The following ZNF215 variants were observed in gnomAD, a reference collection of about 807,000 sequenced individuals.
ZNF215 encodes the protein zinc finger protein 215, also known as BWSCR2-associated zinc finger protein 2.
ZNF215 carries 24 observed loss-of-function variants against 27.2 expected under a neutral mutation model. The ratio of observed to expected loss-of-function variants is 0.88; its 90% CI spans 0.64 to 1.24. The LOEUF is 1.24. Ranked by LOEUF, ZNF215 falls within the 50% of genes most tolerant of loss-of-function variation. ZNF215 has a pLI of 0.00. For missense variants in ZNF215, 675 were observed against 605.7 expected (o/e 1.11, Z -1.20); for synonymous variants, 210 against 204.0 (o/e 1.03, Z -0.25).
Position 6,932,470 on chromosome 11 carries a change from G to A in ZNF215, c.198G>A (p.Leu66=), listed in dbSNP as rs111865490. Residue 66 remains leucine, a synonymous_variant, in exon 3 of 7, where the codon CTG becomes CTA. Transcript: ENST00000278319. ...AAGTGTCTGGGCCCCATGAAGCCCT[G>A]AGCCAACTCTGGGAGCTCTGTCTTC... ...YLKVSGPHEA[L]SQLWELCLQW... 1 of 1,614,170 alleles carries A rather than the reference G, an allele frequency of 6.2e-7. No individual in the cohort carries two copies. The highest frequency in any genetic ancestry group is 8.5e-7 in the Non-Finnish European group (1 of 1,180,026).
At chr11:6,960,799 G>A (rs569784948), downstream of ZNF215, among the ~76,000 whole-genome samples, 1 of 152,202 alleles carries the variant, frequency 6.6e-6, no homozygotes, top group East Asian at 1.9e-4. Context: ...TCAGAAAATG[G>A]ACACTACAGA....
intron 5 of ZNF215, among the ~76,000 whole-genome samples, chr11:6,980,857 G>C (rs1850936869): frequency 6.7e-6 from 1 of 148,894 alleles, no homozygotes. Context: ...AGAATATGCA[G>C]TGTTTGGTTT....
chr11:6,954,315 G>T (rs186271703), intron 6 of ZNF215, among the ~76,000 whole-genome samples: 416 of 152,344 alleles, frequency 2.7e-3, no homozygotes, highest in African/African-American at 9.6e-3. Context: ...CTGTCTTTTT[G>T]TTTGTCTGTG....
intron 6 of ZNF215, among the ~76,000 whole-genome samples, chr11:6,950,429 C>G (rs1359181348): frequency 2.0e-5 from 3 of 152,084 alleles, no homozygotes; most frequent in Non-Finnish European, 4.4e-5. Context: ...TTGTAGTTCT[C>G]CTTGAAGAGG....
Position 6,956,763 on chromosome 11 carries a change from G to C in ZNF215, c.*232G>C. 7.6e-7 allele frequency: 1 copy of C among 1,316,554 alleles called. No individual in the cohort carries two copies. Among genetic ancestry groups the C allele is most frequent in the Non-Finnish European group, 9.6e-7 (1 of 1,037,652 alleles). 81.6% of individuals were successfully genotyped at this position (1,316,554 alleles called of 1,614,324 possible). A position where few individuals can be genotyped will look rare whatever the true frequency, so the allele number is the denominator to read the frequency against. On this transcript the variant is annotated 3_prime_UTR_variant, in exon 7 of 7. Transcript: ENST00000278319. The stretch of plus-strand genomic sequence containing the variant: ...CATAAGGCTTTGGAGTTAAACCACA[G>C]TATCACCATACAAGTATTTGTTTAT...
rs1849971932 is a variant in ZNF215 at position 6,949,665 on chromosome 11, T to G, written c.712+6024T>G. On this transcript the variant is annotated intron_variant, in intron 6 of 6. Coordinates refer to ENST00000278319, the MANE Select transcript of ZNF215 (RefSeq NM_013250.4). ...TCAGATGAGTAGGTTGCGAAAATTT[T>G]CTCCCATTTTGTGGGTTGCCTGTTC... 2.0e-5 allele frequency among the ~76,000 whole-genome samples: 3 copies of G among 152,346 alleles called. No homozygotes were observed. The South Asian group carries it at 6.2e-4, about 32-fold the overall frequency.
chr11:6,984,762 A>G (rs1206605080), downstream of ZNF215: 1 of 152,208 alleles, frequency 6.6e-6, no homozygotes, highest in Non-Finnish European at 1.5e-5. Flanking sequence ...GGAAAATTAC[A>G]TAAACTAACT....
intron 4 of ZNF215, 110 bp from the exon 5 acceptor site, chr11:6,942,973 A>G: frequency 4.1e-6 from 6 of 1,454,696 alleles, no homozygotes; most frequent in South Asian, 1.4e-5. Context: ...ACATTGTCCT[A>G]TCAATTTCTG....
intron 6 of ZNF215, among the ~76,000 whole-genome samples, chr11:6,945,848 T>A (rs568347381): frequency 3.9e-4 from 59 of 152,254 alleles, no homozygotes; most frequent in Non-Finnish European, 6.8e-4. Flanking sequence ...TTCACATATA[T>A]AGGATTTACA....
intron 5 of ZNF215, among the ~76,000 whole-genome samples, chr11:6,979,212 G>A (rs1850896461): frequency 6.6e-6 from 1 of 151,992 alleles, no homozygotes; most frequent in South Asian, 2.1e-4. Flanking sequence ...TGTACTCTGA[G>A]TGACATAGTA....
At chr11:6,938,871 A>G (rs1849532360) in intron 3 of ZNF215, among the ~76,000 whole-genome samples, 1 of 152,172 alleles carries the variant, frequency 6.6e-6, no homozygotes, top group Admixed American at 6.5e-5. Flanking sequence ...TCTTTAAAAT[A>G]GCTAATATGG....
intron 6 of ZNF215, among the ~76,000 whole-genome samples, chr11:6,955,381 C>T (rs1283289219): frequency 6.6e-6 from 1 of 152,176 alleles, no homozygotes; most frequent in East Asian, 1.9e-4. Context: ...ACACTAGTTA[C>T]GAACCAGTGA....
chr11:6,933,591 T>A (rs1242385311), intron 3 of ZNF215, among the ~76,000 whole-genome samples: 1 of 151,582 alleles, frequency 6.6e-6, no homozygotes, highest in Non-Finnish European at 1.5e-5. Context: ...ATCGAGACCA[T>A]CCTGGCTAAC....
intron 5 of ZNF215, among the ~76,000 whole-genome samples, chr11:6,982,836 CAATT>C (rs1419825284): frequency 6.6e-6 from 1 of 151,874 alleles, no homozygotes; most frequent in African/African-American, 2.4e-5. Flanking sequence ...CCTAACATCA[CAATT>C]AAAAGAACTA....
At chr11:6,949,555 C>T (rs1464397286) in intron 6 of ZNF215, among the ~76,000 whole-genome samples, 1 of 151,910 alleles carries the variant, frequency 6.6e-6, no homozygotes, top group African/African-American at 2.4e-5. Context: ...TGTTCATGTC[C>T]TTCGCCCACT....
intron 5 of ZNF215, among the ~76,000 whole-genome samples, chr11:6,969,412 T>C (rs770154422): frequency 6.6e-6 from 1 of 152,288 alleles, no homozygotes; most frequent in African/African-American, 2.4e-5. Context: ...TGAGGTATGA[T>C]TGCCACCACA....
At chr11:6,938,113 C>T (rs1444700801) in intron 3 of ZNF215, among the ~76,000 whole-genome samples, 1 of 151,862 alleles carries the variant, frequency 6.6e-6, no homozygotes, top group African/African-American at 2.4e-5. Context: ...GGTCCAATAT[C>T]AGGAAAATAT....
chr11:6,943,263 T>C, intron 5 of ZNF215, 48 bp downstream of exon 5: 1 of 1,572,956 alleles, frequency 6.4e-7, no homozygotes, highest in Non-Finnish European at 8.6e-7. Flanking sequence ...AATCTCTTCC[T>C]ACCGTTAAAA....
At chr11:6,958,186 A>G (rs899305083), downstream of ZNF215, 1 of 532,810 alleles carries the variant, frequency 1.9e-6, no homozygotes, top group African/African-American at 2.1e-5. Context: ...AATGTAAAAA[A>G]TTCTTGAGGT....
Sources: gnomAD v4.1 joint callset for allele counts (sites outside exome capture counted in the v4.1 genomes callset) on GRCh38, gnomAD v4.1.1 for gene constraint, MANE v1.5 for transcripts, NCBI Gene and HGNC (gene_info 2026-07-23, HGNC 2026-07-21) for gene names.